COLEC10: variants seen among roughly 807,000 people sequenced by gnomAD.
COLEC10 encodes collectin-10.
Under a neutral mutation model 28.4 loss-of-function variants are expected in COLEC10, and 22 were observed. The ratio of observed to expected loss-of-function variants is 0.78; its 90% CI spans 0.55 to 1.11. The LOEUF (loss-of-function observed/expected upper bound fraction) is 1.11, where lower values mean the gene tolerates loss of function less well. Among genes scored for constraint, COLEC10 ranks in the 50% least tolerant of loss-of-function variants. COLEC10 has a pLI of 0.00. For missense variants in COLEC10, 361 were observed against 344.1 expected (o/e 1.05, Z -0.39); for synonymous variants, 125 against 116.1 (o/e 1.08, Z -0.49).
chr8:119,053,060 C>G (rs1587022712), intron 2 of COLEC10, among the ~76,000 whole-genome samples: 1 of 152,146 alleles, frequency 6.6e-6, no homozygotes, highest in East Asian at 1.9e-4. Flanking sequence ...TTCTGATGAG[C>G]AGGAATGCCT....
chr8:118,967,627 A>G, the COLEC10 span, among the ~76,000 whole-genome samples: 35 of 152,224 alleles, frequency 2.3e-4, no homozygotes, highest in South Asian at 3.9e-3. Flanking sequence ...AACAATATCA[A>G]TTGTTATTTC....
At chr8:119,064,852 T>C (rs533802707), upstream of COLEC10, among the ~76,000 whole-genome samples, 2 of 152,238 alleles carry the variant, frequency 1.3e-5, no homozygotes, top group Admixed American at 6.5e-5. Flanking sequence ...AACTGCTTAA[T>C]TTCTTTGAGC....
chr8:119,086,618 A>G (rs1441295458), intron 1 of COLEC10, among the ~76,000 whole-genome samples: 1 of 152,178 alleles, frequency 6.6e-6, no homozygotes, highest in Admixed American at 6.5e-5. Context: ...AAGAGCCACC[A>G]GGGAGCAGTA....
chr8:118,991,301 A>G (rs1813502425), upstream of COLEC10, among the ~76,000 whole-genome samples: 2 of 152,152 alleles, frequency 1.3e-5, no homozygotes, highest in Admixed American at 1.3e-4. Context: ...TGTCCTAACT[A>G]CCTCAATAAT....
intron 2 of COLEC10, among the ~76,000 whole-genome samples, chr8:119,055,542 A>C (rs1814745070): frequency 6.6e-6 from 1 of 152,074 alleles, no homozygotes; most frequent in Non-Finnish European, 1.5e-5. Context: ...TGGCATTGAA[A>C]GCTGGCTCCA....
intron 2 of COLEC10, among the ~76,000 whole-genome samples, chr8:119,049,680 C>T (rs956304506): frequency 3.3e-5 from 5 of 152,104 alleles, no homozygotes; most frequent in South Asian, 2.1e-4. Context: ...TCCCAAAGTG[C>T]TGGGATTACA....
chr8:118,983,529 G>A, the COLEC10 span, among the ~76,000 whole-genome samples: 1 of 152,130 alleles, frequency 6.6e-6, no homozygotes, highest in Admixed American at 6.6e-5. Context: ...CCCTTCAGAA[G>A]ACACATTGAA....
chr8:119,063,374 C>T (rs563629929), upstream of COLEC10: 1 of 152,318 alleles, frequency 6.6e-6, no homozygotes, highest in African/African-American at 2.4e-5. Context: ...CAAAATCAAG[C>T]TGTAGGTAGT....
intron 2 of COLEC10, among the ~76,000 whole-genome samples, chr8:119,060,654 C>G (rs1469806828): frequency 2.0e-5 from 3 of 152,068 alleles, no homozygotes; most frequent in Non-Finnish European, 4.4e-5. Context: ...TCCCCTTAAA[C>G]AAGGGATTGG....
chr8:119,073,007 A>G (rs1815156519), intron 1 of COLEC10, among the ~76,000 whole-genome samples: 2 of 152,350 alleles, frequency 1.3e-5, no homozygotes, highest in East Asian at 3.9e-4. Flanking sequence ...TGACTTCCCC[A>G]AACGGATAGA....
chr8:118,966,219 A>C, the COLEC10 span, among the ~76,000 whole-genome samples: 1 of 152,178 alleles, frequency 6.6e-6, no homozygotes, highest in Non-Finnish European at 1.5e-5. Flanking sequence ...CTGTTTGTTG[A>C]TTATACATGG....
chr8:119,070,692 T>C (rs1032318154), intron 1 of COLEC10, among the ~76,000 whole-genome samples: 1 of 151,180 alleles, frequency 6.6e-6, no homozygotes, highest in African/African-American at 2.4e-5. Context: ...TGGTCTCCCT[T>C]GAAAATAACA....
At chr8:119,045,237 C>T (rs985739591) in intron 2 of COLEC10, among the ~76,000 whole-genome samples, 2 of 152,220 alleles carry the variant, frequency 1.3e-5, no homozygotes, top group Non-Finnish European at 2.9e-5. Flanking sequence ...GAGGGTCCAT[C>T]TCTTCATTCC....
intron 3 of COLEC10, among the ~76,000 whole-genome samples, chr8:119,095,327 T>G (rs1304807256): frequency 6.6e-6 from 1 of 152,238 alleles, no homozygotes; most frequent in Non-Finnish European, 1.5e-5. Context: ...AAAACTATGT[T>G]ACTGGGTTGA....
chr8:119,089,819 C>A, intron 2 of COLEC10, 68 bp downstream of exon 2: 3 of 1,333,538 alleles, frequency 2.2e-6, no homozygotes, highest in Middle Eastern at 1.9e-4. Flanking sequence ...CTGGCCCTTG[C>A]CCTGGAAATT....
At chr8:119,050,261 C>G (rs1340238285) in intron 2 of COLEC10, among the ~76,000 whole-genome samples, 1 of 152,122 alleles carries the variant, frequency 6.6e-6, no homozygotes. Context: ...AGTAACCAAA[C>G]AGAAAATAAC....
intron 2 of COLEC10, among the ~76,000 whole-genome samples, chr8:119,057,064 C>T (rs1814774641): frequency 6.6e-6 from 1 of 152,050 alleles, no homozygotes; most frequent in Non-Finnish European, 1.5e-5. Context: ...TATGGTTTGG[C>T]TCTGTGTTGC....
chr8:119,103,865 C>T lies in COLEC10; in HGVS notation c.412C>T (p.Leu138Phe). 1 of 1,612,020 alleles carries T rather than the reference C, an allele frequency of 6.2e-7. No individual in the cohort carries two copies. Among genetic ancestry groups the T allele is most frequent in the Non-Finnish European group, 8.5e-7 (1 of 1,178,392 alleles). ...ACAACTGGATATTAGTATTGCTCGG[C>T]TCAAGACATCTATGAAGTTTGTCAA... ...VGQLDISIAR[L>F]KTSMKFVKNV... The change falls in exon 5 of 6, where the codon CTC becomes TTC. Residue 138 changes from leucine to phenylalanine, a missense_variant. Coordinates refer to ENST00000332843, the MANE Select transcript of COLEC10 (RefSeq NM_006438.5).
intron 3 of COLEC10, among the ~76,000 whole-genome samples, chr8:119,096,712 T>G (rs1199858123): frequency 6.6e-6 from 1 of 152,050 alleles, no homozygotes; most frequent in Admixed American, 6.6e-5. Context: ...GGCTTACATG[T>G]AAAACATATA....
Sources: allele counts gnomAD v4.1 joint callset (sites outside exome capture counted in the v4.1 genomes callset), GRCh38; gene constraint gnomAD v4.1.1; transcripts MANE v1.5; gene names NCBI Gene and HGNC (gene_info 2026-07-23, HGNC 2026-07-21).